Variants in TAFA4 observed in about 807,000 individuals in gnomAD.
TAFA4 encodes chemokine-like protein TAFA-4.
Under a neutral mutation model 21.1 loss-of-function variants are expected in TAFA4, and 20 were observed. The observed-to-expected ratio is 0.95, with a 90% CI of 0.67 to 1.38. The LOEUF is 1.38. TAFA4 is among the 40% of genes most tolerant of loss of function. The pLI is 0.00. For missense variants in TAFA4, 211 were observed against 180.9 expected (o/e 1.17, Z -0.95); for synonymous variants, 71 against 67.4 (o/e 1.05, Z -0.26).
At chr3:68,778,071 C>G (rs954719079) in intron 3 of TAFA4, among the ~76,000 whole-genome samples, 1 of 152,074 alleles carries the variant, frequency 6.6e-6, no homozygotes, top group Non-Finnish European at 1.5e-5. Flanking sequence ...AAATGTAAAT[C>G]ATTTACACAC....
At chr3:68,873,583 C>A (rs1053459662) in intron 3 of TAFA4, among the ~76,000 whole-genome samples, 1 of 152,116 alleles carries the variant, frequency 6.6e-6, no homozygotes. Context: ...CTGTCCTCCA[C>A]GGGGCAACAC....
intron 5 of TAFA4, among the ~76,000 whole-genome samples, chr3:68,735,895 G>A (rs1001017061): frequency 6.6e-6 from 1 of 152,088 alleles, no homozygotes; most frequent in African/African-American, 2.4e-5. Flanking sequence ...TTTGTAGGAT[G>A]TTTAGTAGCA....
chr3:68,777,785 T>C, intron 3 of TAFA4, among the ~76,000 whole-genome samples: 1 of 152,198 alleles, frequency 6.6e-6, no homozygotes, highest in East Asian at 1.9e-4. Context: ...TATAATACTG[T>C]ATCTTTTCTA....
chr3:68,810,514 C>T (rs559465544), intron 3 of TAFA4, among the ~76,000 whole-genome samples: 1 of 152,294 alleles, frequency 6.6e-6, no homozygotes, highest in South Asian at 2.1e-4. Flanking sequence ...AACAGCAGAC[C>T]AGAAGATTAT....
At chr3:68,811,223 A>G (rs1703830407) in intron 3 of TAFA4, among the ~76,000 whole-genome samples, 1 of 152,212 alleles carries the variant, frequency 6.6e-6, no homozygotes, top group African/African-American at 2.4e-5. Context: ...AAGATGGGGA[A>G]AAAACAGAGC....
intron 3 of TAFA4, among the ~76,000 whole-genome samples, chr3:68,834,772 C>T (rs755469013): frequency 2.0e-5 from 3 of 152,240 alleles, no homozygotes; most frequent in East Asian, 1.9e-4. Context: ...AGCAGAATGG[C>T]ACTGGCTCCA....
At chr3:68,865,380 T>G (rs1315415004) in intron 3 of TAFA4, among the ~76,000 whole-genome samples, 1 of 152,034 alleles carries the variant, frequency 6.6e-6, no homozygotes, top group Non-Finnish European at 1.5e-5. Flanking sequence ...CCATGTGTCA[T>G]GGGGAGGACC....
intron 2 of TAFA4, among the ~76,000 whole-genome samples, chr3:68,883,789 C>T (rs893726482): frequency 3.3e-5 from 5 of 151,924 alleles, no homozygotes; most frequent in Admixed American, 6.6e-5. Flanking sequence ...ATGATCTGGC[C>T]ATGCATGGTG....
intron 5 of TAFA4, among the ~76,000 whole-genome samples, chr3:68,737,711 G>A (rs1702269991): frequency 6.6e-6 from 1 of 152,080 alleles, no homozygotes; most frequent in Non-Finnish European, 1.5e-5. Context: ...CTTAGAAGGA[G>A]AACTGGCCTG....
At chr3:68,814,652 T>G (rs1301997407) in intron 3 of TAFA4, among the ~76,000 whole-genome samples, 2 of 152,080 alleles carry the variant, frequency 1.3e-5, no homozygotes, top group Admixed American at 6.6e-5. Context: ...CACTGCTCAA[T>G]GAAATAAAAG....
chr3:68,886,690 G>C (rs542241395), intron 1 of TAFA4, among the ~76,000 whole-genome samples: 1 of 152,232 alleles, frequency 6.6e-6, no homozygotes, highest in East Asian at 1.9e-4. Flanking sequence ...TTTAATTTTA[G>C]GCTGAGCAGT....
chr3:68,859,677 C>T (rs967800012), intron 3 of TAFA4, among the ~76,000 whole-genome samples: 3 of 152,114 alleles, frequency 2.0e-5, no homozygotes, highest in African/African-American at 4.8e-5. Flanking sequence ...CATGCATCAA[C>T]CTTGAACTGA....
At chr3:68,930,229 A>C (rs2090146885) in intron 1 of TAFA4, among the ~76,000 whole-genome samples, 2 of 152,252 alleles carry the variant, frequency 1.3e-5, no homozygotes, top group African/African-American at 4.8e-5. Flanking sequence ...CAAGTGACCT[A>C]GGATATTCTA....
chr3:68,774,402 G>T (rs1703014750), intron 3 of TAFA4, among the ~76,000 whole-genome samples: 1 of 152,102 alleles, frequency 6.6e-6, no homozygotes, highest in East Asian at 1.9e-4. Context: ...AGAAAGATAA[G>T]ACCATGAATA....
chr3:68,742,720 ATAAAAAATATTTT>A (rs1702380625), intron 4 of TAFA4, among the ~76,000 whole-genome samples: 1 of 152,202 alleles, frequency 6.6e-6, no homozygotes, highest in African/African-American at 2.4e-5. Flanking sequence ...ACCTTTTGAA[ATAAAAAATATTTT>A]TAAAAACATT....
intron 3 of TAFA4, among the ~76,000 whole-genome samples, chr3:68,835,577 G>C (rs1024696706): frequency 6.6e-6 from 1 of 152,164 alleles, no homozygotes; most frequent in African/African-American, 2.4e-5. Flanking sequence ...TAAACTAGTC[G>C]GGTTAGTTGC....
intron 1 of TAFA4, among the ~76,000 whole-genome samples, chr3:68,901,481 T>A (rs1402078592): frequency 6.6e-6 from 1 of 152,162 alleles, no homozygotes; most frequent in Non-Finnish European, 1.5e-5. Flanking sequence ...ACCCAAGCCT[T>A]CTGAGACAAG....
chr3:68,837,399 G>A (rs935322765), intron 3 of TAFA4, among the ~76,000 whole-genome samples: 2 of 152,216 alleles, frequency 1.3e-5, no homozygotes, highest in Admixed American at 6.5e-5. Flanking sequence ...CCATGAGGAC[G>A]TAAGTGATCT....
At chr3:68,808,941 G>C (rs1703767875) in intron 3 of TAFA4, among the ~76,000 whole-genome samples, 2 of 152,146 alleles carry the variant, frequency 1.3e-5, no homozygotes, top group Non-Finnish European at 1.5e-5. Flanking sequence ...AGTAGGAAAA[G>C]AACATAGAAA....
Sources: allele counts gnomAD v4.1 joint callset (sites outside exome capture counted in the v4.1 genomes callset), GRCh38; gene constraint gnomAD v4.1.1; transcripts MANE v1.5; gene names NCBI Gene and HGNC (gene_info 2026-07-23, HGNC 2026-07-21).